Variants in HPSE2 observed in about 807,000 individuals in gnomAD.
HPSE2 encodes the protein inactive heparanase-2.
Under a neutral mutation model 60.5 loss-of-function variants are expected in HPSE2, and 38 were observed. The ratio of observed to expected loss-of-function variants is 0.63; its 90% CI spans 0.48 to 0.82. The LOEUF is 0.82. HPSE2 is among the 40% of genes least tolerant of loss of function. The probability of loss-of-function intolerance (pLI) is 0.00; values close to 1 mark genes in which losing one functional copy is unlikely to be tolerated. For missense variants in HPSE2, 713 were observed against 740.4 expected, an observed-to-expected ratio of 0.96 and a Z score of 0.43; for synonymous variants, 295 against 293.2, an observed-to-expected ratio of 1.01 and a Z score of -0.06.
intron 3 of HPSE2, among the ~76,000 whole-genome samples, chr10:98,772,095 A>C (rs932250852): frequency 2.6e-5 from 4 of 152,154 alleles, no homozygotes; most frequent in Non-Finnish European, 5.9e-5. Flanking sequence ...TGGTGGTTGG[A>C]GAGGCAAAGC....
chr10:99,216,188 CTTTTTTTTTT>C (rs550046406), intron 2 of HPSE2, among the ~76,000 whole-genome samples: 1 of 97,674 alleles, frequency 1.0e-5, no homozygotes, highest in Non-Finnish European at 1.9e-5. Context: ...ATAACCTAAA[CTTTTTTTTTT>C]TTTTTTTTTT....
intron 3 of HPSE2, among the ~76,000 whole-genome samples, chr10:98,789,847 T>C (rs1243025861): frequency 6.6e-6 from 1 of 152,214 alleles, no homozygotes; most frequent in African/African-American, 2.4e-5. Flanking sequence ...CCATTCAAAT[T>C]TAAATTTCAG....
In HPSE2 at chr10:98,825,867, AAAC is replaced by A. The variant is rs1166158436; in HGVS notation, c.611-81814_611-81812del. Among the ~76,000 whole-genome samples, 4 of 152,222 alleles carry A rather than the reference AAAC, an allele frequency of 2.6e-5. No homozygotes were observed. The East Asian group carries it at 7.7e-4, about 29-fold the overall frequency. ...CATGGTCATGAATGCATGTGGTGCC[AAAC>A]AGCTGCAGCCATTTTATGACTATGA... On this transcript the variant is annotated intron_variant, in intron 3 of 11. Transcript: ENST00000370552.
At chr10:98,513,677 T>C (rs1321450053) in intron 9 of HPSE2, among the ~76,000 whole-genome samples, 1 of 152,176 alleles carries the variant, frequency 6.6e-6, no homozygotes, top group Non-Finnish European at 1.5e-5. Flanking sequence ...ATGACAACAA[T>C]ATGCTTTTGG....
intron 3 of HPSE2, among the ~76,000 whole-genome samples, chr10:98,880,504 T>C (rs1952993443): frequency 6.6e-6 from 1 of 152,090 alleles, no homozygotes; most frequent in Non-Finnish European, 1.5e-5. Context: ...CTTTTAGACT[T>C]GTGACTTTGT....
chr10:99,134,756 C>T (rs957076771), intron 3 of HPSE2, among the ~76,000 whole-genome samples: 22 of 152,296 alleles, frequency 1.4e-4, no homozygotes, highest in Middle Eastern at 3.4e-3. Flanking sequence ...GTATCAGCCA[C>T]GGCAAAAACA....
intron 3 of HPSE2, among the ~76,000 whole-genome samples, chr10:98,987,247 A>C (rs933983344): frequency 1.1e-4 from 16 of 152,234 alleles, no homozygotes; most frequent in African/African-American, 3.4e-4. Flanking sequence ...AAAATCCTCA[A>C]TAAAATACTG....
At chr10:98,895,181 C>G (rs1953450162) in intron 3 of HPSE2, among the ~76,000 whole-genome samples, 1 of 151,774 alleles carries the variant, frequency 6.6e-6, no homozygotes. Context: ...TTAGAAAAAC[C>G]CATACGTATA....
intron 10 of HPSE2, among the ~76,000 whole-genome samples, chr10:98,488,553 G>A (rs985286141): frequency 2.6e-5 from 4 of 152,312 alleles, no homozygotes; most frequent in African/African-American, 7.2e-5. Flanking sequence ...ATCCTGCTAA[G>A]CCCATGGCTG....
chr10:99,059,132 T>G (rs1564772821), intron 3 of HPSE2, among the ~76,000 whole-genome samples: 1 of 152,336 alleles, frequency 6.6e-6, no homozygotes, highest in East Asian at 1.9e-4. Flanking sequence ...ATTCTCAGTT[T>G]GCAGACCATA....
chr10:98,749,947 T>TATATATATATATACATAC, intron 3 of HPSE2, among the ~76,000 whole-genome samples: 20 of 98,462 alleles, frequency 2.0e-4, no homozygotes, highest in Admixed American at 1.6e-3. Flanking sequence ...TATATATATA[T>TATATATATATATACATAC]ACACACACAC....
At chr10:98,797,842 T>C (rs573999912) in intron 3 of HPSE2, among the ~76,000 whole-genome samples, 133 of 151,192 alleles carry the variant, frequency 8.8e-4, no homozygotes, top group African/African-American at 3.1e-3. Flanking sequence ...AGACTCCGCC[T>C]CAAAAAAACA....
intron 3 of HPSE2, among the ~76,000 whole-genome samples, chr10:98,922,394 ACT>A (rs1189007230): frequency 6.6e-6 from 1 of 151,936 alleles, no homozygotes; most frequent in Non-Finnish European, 1.5e-5. Context: ...TCTTTTGAAC[ACT>A]CTTTCTGTCC....
intron 9 of HPSE2, among the ~76,000 whole-genome samples, chr10:98,573,782 C>G (rs1019111582): frequency 6.6e-6 from 1 of 152,192 alleles, no homozygotes; most frequent in Non-Finnish European, 1.5e-5. Flanking sequence ...TTAAAAACCA[C>G]GAGCACTATC....
chr10:98,864,401 C>A (rs1952535138), intron 3 of HPSE2, among the ~76,000 whole-genome samples: 1 of 152,078 alleles, frequency 6.6e-6, no homozygotes, highest in South Asian at 2.1e-4. Flanking sequence ...TAAGTTTTCT[C>A]ACACACACAC....
intron 3 of HPSE2, among the ~76,000 whole-genome samples, chr10:99,055,278 G>A (rs558901012): frequency 6.6e-6 from 1 of 152,238 alleles, no homozygotes; most frequent in African/African-American, 2.4e-5. Flanking sequence ...GAGATTAACA[G>A]TGGAGAAATG....
intron 6 of HPSE2, among the ~76,000 whole-genome samples, chr10:98,680,777 A>G (rs1361706796): frequency 6.6e-6 from 1 of 152,062 alleles, no homozygotes; most frequent in African/African-American, 2.4e-5. Flanking sequence ...TTTTTTTGAG[A>G]CAGGATCTCA....
rs549853521 is a variant in HPSE2, at chr10:98,611,706, T to A, written c.1320+3198A>T. 1.3e-5 allele frequency among the ~76,000 whole-genome samples: 2 copies of A among 152,282 alleles called. 1 individual carries two copies. The highest frequency in any genetic ancestry group is 4.8e-5 in the African/African-American group (2 of 41,554). On this transcript the variant is annotated intron_variant, in intron 9 of 11. Transcript: ENST00000370552. ...CTTGTAAATTCCTTCCAGGGGAGACTTAGGACACACTCTCCCAGCTGCCAA... is the reference window on the plus strand; with the variant it reads ...CTTGTAAATTCCTTCCAGGGGAGACATAGGACACACTCTCCCAGCTGCCAA...
At chr10:98,693,843 T>C (rs1293731113) in intron 6 of HPSE2, 57 bp downstream of exon 6, 1 of 1,280,020 alleles carries the variant, frequency 7.8e-7, no homozygotes, top group Admixed American at 1.7e-5. Context: ...GACAACTAAT[T>C]ATCTTTCATT....
Sources: allele counts gnomAD v4.1 joint callset (sites outside exome capture counted in the v4.1 genomes callset), GRCh38; gene constraint gnomAD v4.1.1; transcripts MANE v1.5; gene names NCBI Gene and HGNC (gene_info 2026-07-23, HGNC 2026-07-21).